OSBPL10: variants seen among roughly 807,000 people sequenced by gnomAD.
OSBPL10 encodes the protein oxysterol binding protein like 10.
In OSBPL10, 49 loss-of-function variants were observed where a neutral mutation model predicts 81.7. The observed-to-expected ratio is 0.60, with a 90% confidence interval of 0.48 to 0.76. The LOEUF is 0.76. Among genes scored for constraint, OSBPL10 ranks in the 30% least tolerant of loss-of-function variants. The probability of loss-of-function intolerance (pLI) is 0.00; values close to 1 mark genes in which losing one functional copy is unlikely to be tolerated. For missense variants in OSBPL10, 923 were observed against 987.8 expected, an observed-to-expected ratio of 0.93 and a Z score of 0.88; for synonymous variants, 419 against 383.6, an observed-to-expected ratio of 1.09 and a Z score of -1.08.
intron 2 of OSBPL10, among the ~76,000 whole-genome samples, chr3:32,008,996 TG>T (rs909745720): frequency 1.3e-5 from 2 of 152,240 alleles, no homozygotes; most frequent in Admixed American, 6.5e-5. Flanking sequence ...AGAATGCAAC[TG>T]GGGATGAGCC....
chr3:32,029,332 C>CT (rs771540568), intron 2 of OSBPL10, among the ~76,000 whole-genome samples: 13 of 152,128 alleles, frequency 8.5e-5, no homozygotes, highest in Middle Eastern at 3.4e-3. Context: ...TTATTATACT[C>CT]TAAGTTTTAG....
chr3:31,981,316 G>A, upstream of OSBPL10: 1 of 1,248,258 alleles, frequency 8.0e-7, no homozygotes. The surrounding 1 kb of genome is among the most constrained non-coding windows in gnomAD (Gnocchi z 4.5). Context: ...GACTCATACA[G>A]GAGGAAGAGG....
At chr3:31,903,346 T>TA (rs1412591670) in intron 1 of OSBPL10, among the ~76,000 whole-genome samples, 3 of 150,968 alleles carry the variant, frequency 2.0e-5, no homozygotes, top group African/African-American at 7.3e-5. Context: ...TTTTTTTTTT[T>TA]AGACAAGGTC....
Position 31,897,994 on chromosome 3 carries a change from C to T in OSBPL10, c.282-18164G>A, listed in dbSNP as rs910873158. 5.6e-5 allele frequency among the ~76,000 whole-genome samples: 6 copies of T among 106,654 alleles called. No homozygotes were observed. The South Asian group carries it at 9.2e-4, about 16-fold the overall frequency. The allele number at this position is 106,654 out of a possible 152,430, so 70.0% of individuals were successfully genotyped here. A position where few individuals can be genotyped will look rare whatever the true frequency, so the allele number is the denominator to read the frequency against. ...CTGCACCCCAGCTTGGGTGACACAGCGAGAACTCTGTCAAAAAAAAAAAAA... is the reference window on the plus strand; with the variant it reads ...CTGCACCCCAGCTTGGGTGACACAGTGAGAACTCTGTCAAAAAAAAAAAAA... On this transcript the variant is annotated intron_variant, in intron 1 of 11. Transcript: ENST00000396556.
intron 7 of OSBPL10, among the ~76,000 whole-genome samples, chr3:31,685,702 C>A (rs1375828202): frequency 6.6e-6 from 1 of 152,196 alleles, no homozygotes; most frequent in Non-Finnish European, 1.5e-5. Flanking sequence ...TTTCTGCAGT[C>A]CCTCACTCCC....
chr3:31,763,274 C>T (rs1305752607), intron 4 of OSBPL10, among the ~76,000 whole-genome samples: 2 of 152,192 alleles, frequency 1.3e-5, no homozygotes, highest in African/African-American at 4.8e-5. Context: ...GCTTTACTGA[C>T]TCACTTCAGA....
intron 1 of OSBPL10, among the ~76,000 whole-genome samples, chr3:31,933,667 C>T (rs11712387): frequency 0.21 from 31,460 of 151,924 alleles, 3,774 homozygotes; most frequent in Non-Finnish European, 0.28. Context: ...ACCTCAGCCT[C>T]CCAAAGTGCC....
At chr3:31,829,301 A>C (rs1036985906) in intron 4 of OSBPL10, among the ~76,000 whole-genome samples, 1 of 152,222 alleles carries the variant, frequency 6.6e-6, no homozygotes, top group Non-Finnish European at 1.5e-5. Context: ...TCTGTTCTCT[A>C]TAACAGCTGC....
intron 4 of OSBPL10, among the ~76,000 whole-genome samples, chr3:31,813,651 G>A (rs371885478): frequency 4.6e-5 from 7 of 151,788 alleles, no homozygotes; most frequent in African/African-American, 1.4e-4. Context: ...TGGGGTAGGG[G>A]AGGGGACGAG....
At chr3:32,003,869 C>T (rs1318293456) in intron 2 of OSBPL10, among the ~76,000 whole-genome samples, 1 of 152,100 alleles carries the variant, frequency 6.6e-6, no homozygotes, top group Non-Finnish European at 1.5e-5. Flanking sequence ...TTTGGAGGGA[C>T]AAAGTAGAAA....
chr3:31,827,828 TTA>T (rs891651885), intron 4 of OSBPL10, among the ~76,000 whole-genome samples: 2 of 152,280 alleles, frequency 1.3e-5, no homozygotes, highest in South Asian at 4.1e-4. Context: ...ATTATAGAAT[TTA>T]TATAAATAAA....
chr3:31,919,038 T>G (rs1696835579), intron 1 of OSBPL10, among the ~76,000 whole-genome samples: 1 of 152,144 alleles, frequency 6.6e-6, no homozygotes. Flanking sequence ...TCAAACATCC[T>G]GCAACTCCTG....
intron 2 of OSBPL10, 144 bp from the exon 3 acceptor site, chr3:31,876,656 C>T (rs145765910): frequency 1.4e-4 from 88 of 649,424 alleles, no homozygotes; most frequent in African/African-American, 1.2e-3. Flanking sequence ...CAGATCACAA[C>T]GTTCTCAAGC....
chr3:31,787,072 TG>T (rs1698878064), intron 4 of OSBPL10, among the ~76,000 whole-genome samples: 1 of 152,246 alleles, frequency 6.6e-6, no homozygotes, highest in Non-Finnish European at 1.5e-5. Flanking sequence ...GCACAATGCC[TG>T]GCATAGAATA....
intron 3 of OSBPL10, among the ~76,000 whole-genome samples, chr3:31,854,912 C>T (rs1045227729): frequency 1.5e-4 from 23 of 152,206 alleles, no homozygotes; most frequent in African/African-American, 5.1e-4. Flanking sequence ...TATCAAATGC[C>T]TTTATCCTAT....
chr3:31,937,878 G>A (rs1006712907), intron 1 of OSBPL10, among the ~76,000 whole-genome samples: 3 of 151,956 alleles, frequency 2.0e-5, no homozygotes, highest in African/African-American at 7.3e-5. Context: ...TTTTCCCCTG[G>A]TTCAGTCCTC....
At chr3:31,977,128 A>G (rs1698714643) in intron 1 of OSBPL10, among the ~76,000 whole-genome samples, 1 of 151,906 alleles carries the variant, frequency 6.6e-6, no homozygotes, top group Non-Finnish European at 1.5e-5. Context: ...CACCCTCCCC[A>G]CAAACACATT....
intron 1 of OSBPL10, among the ~76,000 whole-genome samples, chr3:31,919,229 G>A (rs1485017944): frequency 2.0e-5 from 3 of 152,102 alleles, no homozygotes; most frequent in African/African-American, 7.2e-5. Flanking sequence ...TAATGCTTTA[G>A]TATTAATGTA....
intron 1 of OSBPL10, among the ~76,000 whole-genome samples, chr3:32,072,853 C>A (rs1699842003): frequency 6.6e-6 from 1 of 152,166 alleles, no homozygotes; most frequent in South Asian, 2.1e-4. Context: ...GCGGTCCTAT[C>A]TTCCTTTTTG....
Sources: allele counts gnomAD v4.1 joint callset (sites outside exome capture counted in the v4.1 genomes callset), GRCh38; gene constraint gnomAD v4.1.1; non-coding constraint Gnocchi (gnomAD v3.1); transcripts MANE v1.5; gene names NCBI Gene and HGNC (gene_info 2026-07-23, HGNC 2026-07-21).